C4orf51: variants seen among roughly 807,000 people sequenced by gnomAD.
C4orf51 encodes the protein chromosome 4 open reading frame 51.
A neutral mutation model predicts 25.2 loss-of-function variants in C4orf51; 25 were observed. The observed-to-expected ratio is 0.99, with a 90% CI of 0.72 to 1.39. C4orf51 has a LOEUF of 1.39. Among genes scored for constraint, C4orf51 ranks in the 40% most tolerant of loss-of-function variants. C4orf51 has a pLI of 0.00. For synonymous variants in C4orf51, 100 were observed against 84.5 expected (o/e 1.18, Z -1.01); for missense variants, 252 against 239.6 (o/e 1.05, Z -0.34).
chr4:145,729,826 A>G, intron 4 of C4orf51, 66 bp from the exon 5 acceptor site: 1 of 1,384,818 alleles, frequency 7.2e-7, no homozygotes, highest in African/African-American at 1.4e-5. Context: ...GAATGTCAGG[A>G]AATTTCACTT....
chr4:145,762,142 TA>T lies in C4orf51; in HGVS notation n.167-8844del, dbSNP rs1300674794. On this transcript the variant is annotated intron_variant and non_coding_transcript_variant, in intron 1 of 1. Coordinates refer to the C4orf51 transcript ENST00000510096. This position sits in a 1 kb window ranked among gnomAD's most constrained non-coding sequence, Gnocchi z 4.9. ...TCACAGGGGTCAGAATCGTGCTTAT[TA>T]AGGGTTTGTTAGGATGAGAAGGCCT... 3.3e-5 allele frequency among the ~76,000 whole-genome samples: 5 copies of T among 152,140 alleles called. No homozygotes were observed. The highest frequency in any genetic ancestry group is 1.2e-4 in the African/African-American group (5 of 41,416).
At chr4:145,780,067 T>C in the C4orf51 span, among the ~76,000 whole-genome samples, 1 of 152,180 alleles carries the variant, frequency 6.6e-6, no homozygotes, top group African/African-American at 2.4e-5. Context: ...GGCGGGTGCC[T>C]GTAATCCCAG....
rs1380934413 is a variant in C4orf51, at chr4:145,761,486, G to C, written n.167-9502G>C. 7.8e-7 allele frequency: 1 copy of C among 1,289,856 alleles called. No homozygotes were observed. Among genetic ancestry groups the C allele is most frequent in the Admixed American group, 2.3e-5 (1 of 43,574 alleles). The allele number at this position is 1,289,856 out of a possible 1,614,324, so 79.9% of individuals were successfully genotyped here. On this transcript the variant is annotated intron_variant and non_coding_transcript_variant, in intron 1 of 1. Coordinates refer to the C4orf51 transcript ENST00000510096. The surrounding 1 kb of genome is among the most constrained non-coding windows in gnomAD (Gnocchi z 6.8). ...CGGGTGTGCGTCTCCAGCTCCAGCTGGTTGGCCTTCACCGTCTGGCAGATC... is the reference window on the plus strand; with the variant it reads ...CGGGTGTGCGTCTCCAGCTCCAGCTCGTTGGCCTTCACCGTCTGGCAGATC...
downstream of C4orf51, among the ~76,000 whole-genome samples, chr4:145,773,223 C>T (rs569733881): frequency 3.8e-4 from 58 of 152,356 alleles, no homozygotes; most frequent in Non-Finnish European, 7.1e-4. Context: ...GGTTTCCCAG[C>T]TCACCTGCTG....
chr4:145,702,306 C>G lies in C4orf51; in HGVS notation c.307+5674C>G, dbSNP rs1432465700. 1.4e-4 allele frequency among the ~76,000 whole-genome samples: 21 copies of G among 151,648 alleles called. No individual in the cohort carries two copies. The East Asian group carries it at 1.9e-3, about 14-fold the overall frequency. The stretch of plus-strand genomic sequence containing the variant: ...ACATACTCTCCTATCCTCAATACCT[C>G]CCTCTACTACCCATTATTCTGTTCT... On this transcript the variant is annotated intron_variant, in intron 2 of 5. Transcript: ENST00000438731.
chr4:145,790,887 C>T, the C4orf51 span, among the ~76,000 whole-genome samples: 1 of 152,214 alleles, frequency 6.6e-6, no homozygotes, highest in African/African-American at 2.4e-5. Flanking sequence ...CACATTATAA[C>T]ATTTTTGTTA....
At chr4:145,686,026 A>G (rs146454577) in intron 1 of C4orf51, among the ~76,000 whole-genome samples, 116 of 152,332 alleles carry the variant, frequency 7.6e-4, no homozygotes, top group Non-Finnish European at 1.3e-3. Flanking sequence ...CCAAATATAC[A>G]TCAATAAAGA....
the C4orf51 span, among the ~76,000 whole-genome samples, chr4:145,788,544 T>G: frequency 6.6e-6 from 1 of 152,250 alleles, no homozygotes; most frequent in East Asian, 1.9e-4. Context: ...GTACTTGTAC[T>G]TCCAAGATTA....
At chr4:145,746,979 T>A (rs967490490) in intron 1 of C4orf51, among the ~76,000 whole-genome samples, 17 of 152,120 alleles carry the variant, frequency 1.1e-4, no homozygotes, top group African/African-American at 3.9e-4. Context: ...GTAAATGGGA[T>A]CCCTTTTTAA....
chr4:145,749,047 T>G (rs2126806702), intron 1 of C4orf51, among the ~76,000 whole-genome samples: 1 of 123,218 alleles, frequency 8.1e-6, no homozygotes, highest in Middle Eastern at 4.1e-3. Flanking sequence ...ACCTGGATGC[T>G]CCAATGTGTG....
the C4orf51 span, among the ~76,000 whole-genome samples, chr4:145,790,790 T>TC: frequency 1.1e-4 from 16 of 152,246 alleles, no homozygotes; most frequent in South Asian, 2.1e-4. Flanking sequence ...TCAGTCTTCC[T>TC]CTTTCTCTGC....
At chr4:145,690,287 C>T (rs941338974) in intron 1 of C4orf51, among the ~76,000 whole-genome samples, 1 of 151,716 alleles carries the variant, frequency 6.6e-6, no homozygotes, top group African/African-American at 2.4e-5. Flanking sequence ...AGGTGGATCA[C>T]GAGGTCAGGA....
At chr4:145,769,906 C>T (rs1275627303) in intron 1 of C4orf51, among the ~76,000 whole-genome samples, 4 of 152,360 alleles carry the variant, frequency 2.6e-5, no homozygotes, top group Middle Eastern at 6.8e-3. Flanking sequence ...CATCTTGCTT[C>T]CTCAATACAG....
chr4:145,695,275 CA>C (rs1371070794), intron 1 of C4orf51, among the ~76,000 whole-genome samples: 2 of 152,164 alleles, frequency 1.3e-5, no homozygotes, highest in Non-Finnish European at 2.9e-5. Context: ...TAATAATAGC[CA>C]TTCTGTTTGG....
rs754564346 is a variant in C4orf51 at position 145,765,128 on chromosome 4, C to T, written n.167-5860C>T. On this transcript the variant is annotated intron_variant and non_coding_transcript_variant, in intron 1 of 1. Coordinates refer to the C4orf51 transcript ENST00000510096. The surrounding 1 kb of genome is among the most constrained non-coding windows in gnomAD (Gnocchi z 4.7). ...GCAGATGACGCTCAAACATGTTCTT[C>T]GTCTTGCAGACAAAGTTGCAAAAAA... is the stretch of plus-strand genomic sequence containing the variant. The T allele has an allele frequency of 6.8e-5, 109 of 1,613,480 alleles. No individual in the cohort carries two copies. The highest frequency in any genetic ancestry group is 8.8e-5 in the Non-Finnish European group (104 of 1,179,750).
the C4orf51 span, chr4:145,776,046 A>G: frequency 6.7e-7 from 1 of 1,485,078 alleles, no homozygotes; most frequent in Non-Finnish European, 9.3e-7. Flanking sequence ...AAAGGTATCA[A>G]GGAAAGAATG....
downstream of C4orf51, among the ~76,000 whole-genome samples, chr4:145,755,283 C>G (rs1733877234): frequency 6.6e-6 from 1 of 152,152 alleles, no homozygotes; most frequent in South Asian, 2.1e-4. Context: ...GTTTGTAACT[C>G]AGGTAGCCTG....
chr4:145,721,262 T>C (rs914194171), intron 2 of C4orf51, among the ~76,000 whole-genome samples: 4 of 151,440 alleles, frequency 2.6e-5, no homozygotes, highest in African/African-American at 9.7e-5. Context: ...AGAGAATACC[T>C]TGAACCTGGG....
intron 1 of C4orf51, chr4:145,760,997 G>A (rs1359674439): frequency 1.6e-6 from 2 of 1,263,102 alleles, no homozygotes; most frequent in Non-Finnish European, 2.1e-6. Flanking sequence ...AAAGCCTTGA[G>A]TGCCAGGTTG....
Sources: allele counts gnomAD v4.1 joint callset (sites outside exome capture counted in the v4.1 genomes callset), GRCh38; gene constraint gnomAD v4.1.1; non-coding constraint Gnocchi (gnomAD v3.1); transcripts MANE v1.5; gene names NCBI Gene and HGNC (gene_info 2026-07-23, HGNC 2026-07-21).